PLCB1: variants seen among roughly 807,000 people sequenced by gnomAD.
The protein encoded by PLCB1 is phospholipase C beta 1, also known as 1-phosphatidylinositol 4,5-bisphosphate phosphodiesterase beta-1.
In PLCB1, 46 loss-of-function variants were observed where a neutral mutation model predicts 161.8. That is an observed-to-expected ratio of 0.28 (90% confidence interval 0.22 to 0.36). The LOEUF is 0.36. PLCB1 is among the 10% of genes least tolerant of loss of function. The pLI, the probability that PLCB1 is intolerant of heterozygous loss-of-function variation, is 1.00. For synonymous variants in PLCB1, 517 were observed against 503.7 expected (o/e 1.03, Z -0.35); for missense variants, 1,016 against 1,472.5 (o/e 0.69, Z 5.07).
chr20:8,783,517 G>A (rs368590478), intron 27 of PLCB1, among the ~76,000 whole-genome samples: 5 of 152,320 alleles, frequency 3.3e-5, no homozygotes, highest in African/African-American at 1.2e-4. Flanking sequence ...CTTGTTTAGA[G>A]ATTAAGCAGA....
intron 8 of PLCB1, 98 bp downstream of exon 8, chr20:8,657,382 T>A: frequency 1.3e-6 from 1 of 757,022 alleles, no homozygotes; most frequent in Non-Finnish European, 2.4e-6. Flanking sequence ...TGGAAGAACA[T>A]CATACACTGT....
chr20:8,404,788 TA>T (rs552674636), intron 3 of PLCB1, among the ~76,000 whole-genome samples: 58 of 152,320 alleles, frequency 3.8e-4, no homozygotes, highest in African/African-American at 1.4e-3. Context: ...ATTGAATCCA[TA>T]AAACAGAATA....
chr20:8,309,552 G>A (rs927037372), intron 2 of PLCB1, among the ~76,000 whole-genome samples: 1 of 152,108 alleles, frequency 6.6e-6, no homozygotes, highest in South Asian at 2.1e-4. Context: ...TTTGTTAATT[G>A]GGACTACAAA....
chr20:8,213,011 G>A (rs1037838101), intron 2 of PLCB1, among the ~76,000 whole-genome samples: 2 of 151,904 alleles, frequency 1.3e-5, no homozygotes, highest in Non-Finnish European at 2.9e-5. Flanking sequence ...TTTGTGAATG[G>A]CCACTTCATT....
At chr20:8,319,648 A>G (rs1437156691) in intron 2 of PLCB1, among the ~76,000 whole-genome samples, 2 of 152,146 alleles carry the variant, frequency 1.3e-5, no homozygotes, top group Non-Finnish European at 2.9e-5. Context: ...AGCTATTCAC[A>G]AGCTGACTTG....
At chr20:8,838,296 C>T (rs557090804) in intron 31 of PLCB1, among the ~76,000 whole-genome samples, 1 of 152,260 alleles carries the variant, frequency 6.6e-6, no homozygotes, top group East Asian at 1.9e-4. Context: ...GGTGACTATG[C>T]ATTGGAGAAA....
intron 3 of PLCB1, among the ~76,000 whole-genome samples, chr20:8,465,987 G>T (rs1403760328): frequency 2.7e-5 from 4 of 147,650 alleles, no homozygotes; most frequent in East Asian, 2.0e-4. Context: ...TATACCCAAA[G>T]GACTATAAAT....
At chr20:8,221,375 AT>A (rs376302120) in intron 2 of PLCB1, among the ~76,000 whole-genome samples, 3,944 of 152,110 alleles carry the variant, frequency 0.026, 141 homozygotes, top group African/African-American at 0.074. Context: ...TCTAATTGCA[AT>A]TTTTTTTATA....
chr20:8,520,952 G>A (rs1343043222), intron 3 of PLCB1, among the ~76,000 whole-genome samples: 1 of 152,086 alleles, frequency 6.6e-6, no homozygotes, highest in Non-Finnish European at 1.5e-5. Context: ...CCTAGGCAGG[G>A]ACTATGTTGT....
chr20:8,797,513 T>A (rs1984087534), intron 31 of PLCB1, among the ~76,000 whole-genome samples: 1 of 152,268 alleles, frequency 6.6e-6, no homozygotes, highest in Admixed American at 6.5e-5. Flanking sequence ...TTTACTGCTC[T>A]GTGGGCAATT....
At chr20:8,690,409 G>C (rs989477622) in intron 10 of PLCB1, among the ~76,000 whole-genome samples, 28 of 152,156 alleles carry the variant, frequency 1.8e-4, no homozygotes, top group Admixed American at 2.6e-4. Context: ...TTAGGCAGCA[G>C]GGGGTTGGGA....
At chr20:8,137,121 C>T (rs999650559) in intron 1 of PLCB1, among the ~76,000 whole-genome samples, 4 of 152,132 alleles carry the variant, frequency 2.6e-5, no homozygotes, top group Non-Finnish European at 5.9e-5. Flanking sequence ...ACACCTCCAA[C>T]CCCCACAGCT....
chr20:8,457,724 A>G (rs775219638), intron 3 of PLCB1, among the ~76,000 whole-genome samples: 16,646 of 150,706 alleles, frequency 0.11, 972 homozygotes, highest in South Asian at 0.15. Context: ...GCACACACAC[A>G]CACACACACA....
intron 10 of PLCB1, among the ~76,000 whole-genome samples, chr20:8,689,667 A>C (rs1050053033): frequency 6.6e-6 from 1 of 152,174 alleles, no homozygotes; most frequent in African/African-American, 2.4e-5. Flanking sequence ...TACAAAATGT[A>C]GTTCAAATTT....
intron 3 of PLCB1, among the ~76,000 whole-genome samples, chr20:8,490,513 T>C (rs1351445103): frequency 6.6e-6 from 1 of 152,216 alleles, no homozygotes; most frequent in African/African-American, 2.4e-5. Flanking sequence ...AGGCTTTCTA[T>C]TTCTCATAGA....
chr20:8,634,902 C>T lies in PLCB1; in HGVS notation c.384+6471C>T, dbSNP rs561067093. On this transcript the variant is annotated intron_variant, in intron 4 of 31. Transcript: ENST00000338037. ...ACTACTTGTGATTCTTCTACCTTTA[C>T]AATTGTAATATTAATGCCTTTATAA... Among the ~76,000 whole-genome samples the T allele has an allele frequency of 1.2e-3, 184 of 152,286 alleles. 1 individual carries two copies. Among genetic ancestry groups the T allele is most frequent in the South Asian group, 2.5e-3 (12 of 4,826 alleles).
rs563240395 is a variant in PLCB1 at position 8,176,376 on chromosome 20, G to A, written c.177+26005G>A. ...GTCTCCAGTATGCTGAATGGAAAAA[G>A]CCAATCTCAAAAGGTTTCATACTGT... On this transcript the variant is annotated intron_variant, in intron 2 of 31. Transcript: ENST00000338037. Among the ~76,000 whole-genome samples, 12 of 152,148 alleles carry A rather than the reference G, an allele frequency of 7.9e-5. 1 individual carries two copies. In the South Asian group the frequency reaches 1.9e-3, roughly 24 times the overall value.
In PLCB1 at chr20:8,799,194, C is replaced by T. The variant is rs541349660; in HGVS notation, c.3423+8933C>T. 2.6e-5 allele frequency among the ~76,000 whole-genome samples: 4 copies of T among 152,264 alleles called. No individual in the cohort carries two copies. In the South Asian group the frequency reaches 8.3e-4, roughly 32 times the overall value. Reference sequence around the variant, plus strand: ...TTTCTTGAGGATGAGAAAATGTGGACATATGGTGATAAATGTACTGGATAG... The same window carrying T: ...TTTCTTGAGGATGAGAAAATGTGGATATATGGTGATAAATGTACTGGATAG... On this transcript the variant is annotated intron_variant, in intron 31 of 31. Transcript: ENST00000338037.
intron 2 of PLCB1, among the ~76,000 whole-genome samples, chr20:8,341,097 A>T (rs935718297): frequency 1.3e-5 from 2 of 152,016 alleles, no homozygotes; most frequent in African/African-American, 2.4e-5. Context: ...TTGTTCCACC[A>T]TGCCCCCCTC....
Sources: gnomAD v4.1 joint callset for allele counts (sites outside exome capture counted in the v4.1 genomes callset) on GRCh38, gnomAD v4.1.1 for gene constraint, MANE v1.5 for transcripts, NCBI Gene and HGNC (gene_info 2026-07-23, HGNC 2026-07-21) for gene names.